HEPH: variants seen among roughly 807,000 people sequenced by gnomAD.
HEPH encodes the protein hephaestin.
Under a neutral mutation model 80.8 loss-of-function variants are expected in HEPH, and 69 were observed. The observed-to-expected ratio is 0.85, with a 90% CI of 0.70 to 1.04. The LOEUF (loss-of-function observed/expected upper bound fraction) is 1.04. Among genes scored for constraint, HEPH ranks in the 50% least tolerant of loss-of-function variants. The pLI is 0.00. For missense variants in HEPH, 1,115 were observed against 891.3 expected (o/e 1.25, Z -3.20); for synonymous variants, 431 against 322.8 (o/e 1.34, Z -3.60).
At chrX:66,260,435 C>T (rs2091324015) in intron 19 of HEPH, among the ~76,000 whole-genome samples, 173 bp downstream of exon 19, 1 of 111,294 alleles carries the variant, frequency 9.0e-6, no homozygotes, top group African/African-American at 3.3e-5. Flanking sequence ...TTCTAATCCT[C>T]CATTGCACCT....
intron 12 of HEPH, among the ~76,000 whole-genome samples, chrX:66,203,010 G>T (rs1032772908): frequency 9.6e-6 from 1 of 104,626 alleles, no homozygotes; most frequent in Non-Finnish European, 1.9e-5. Context: ...ATAAATGAAA[G>T]ATAGGGTTAC....
At chrX:66,167,983 C>T (rs899995094) in intron 1 of HEPH, among the ~76,000 whole-genome samples, 8 of 111,985 alleles carry the variant, frequency 7.1e-5, no homozygotes, top group Non-Finnish European at 1.3e-4. Context: ...TCTACTTGGC[C>T]TCCATCGCCA....
intron 15 of HEPH, among the ~76,000 whole-genome samples, chrX:66,218,943 G>C (rs1364697041): frequency 8.9e-6 from 1 of 112,097 alleles, no homozygotes; most frequent in African/African-American, 3.2e-5. Flanking sequence ...CTGCCTTTTA[G>C]TTTTTACTTC....
intron 6 of HEPH, among the ~76,000 whole-genome samples, chrX:66,191,021 A>G (rs1344034122): frequency 8.9e-6 from 1 of 112,197 alleles, no homozygotes; most frequent in Middle Eastern, 4.6e-3. Flanking sequence ...GTAGTGATGT[A>G]TACCTCATAA....
rs1215586565 is a variant in HEPH at position 66,196,896 on chromosome X, C to CT, written c.1502-776dup. On this transcript the variant is annotated intron_variant, in intron 9 of 20. Coordinates refer to ENST00000343002, the MANE Select transcript of HEPH (RefSeq NM_001367233.3). ...ATAGCTTTGTCTACATTTTGGTGTACTTTTTTTTTTTCAAATTTTGTCTAT... is the reference window on the plus strand; with the variant it reads ...ATAGCTTTGTCTACATTTTGGTGTACTTTTTTTTTTTTCAAATTTTGTCTAT... 1.3e-3 allele frequency among the ~76,000 whole-genome samples: 128 copies of CT among 95,280 alleles called. 1 individual carries two copies. The highest frequency in any genetic ancestry group is 3.3e-3 in the East Asian group (10 of 3,039). The allele number at this position is 95,280 out of a possible 115,157, so 82.7% of individuals were successfully genotyped here.
intron 20 of HEPH, 66 bp downstream of exon 20, chrX:66,263,754 G>C: frequency 9.6e-7 from 1 of 1,041,652 alleles, no homozygotes; most frequent in Non-Finnish European, 1.3e-6. Flanking sequence ...GTTGGGTGAA[G>C]TACCTTTAGG....
chrX:66,241,105 G>A (rs1379767417), intron 15 of HEPH, among the ~76,000 whole-genome samples: 1 of 111,910 alleles, frequency 8.9e-6, no homozygotes, highest in Non-Finnish European at 1.9e-5. Context: ...AGGTCCTTAA[G>A]GAAGTGCTAA....
In HEPH at chrX:66,188,913, G is replaced by T. The variant is rs760761902; in HGVS notation, c.808+372G>T. ...AATCAATATTGATTTGTTTTAAAAA[G>T]GAAGAAGTTAGCAGAATTATCCACT... On this transcript the variant is annotated intron_variant, in intron 5 of 20. Transcript: ENST00000343002. Among the ~76,000 whole-genome samples the T allele has an allele frequency of 8.0e-5, 9 of 112,412 alleles. No homozygotes were observed. In the East Asian group the frequency reaches 2.5e-3, roughly 31 times the overall value.
chrX:66,191,975 C>T (rs971519052), intron 6 of HEPH, among the ~76,000 whole-genome samples, 155 bp from the exon 7 acceptor site: 2 of 111,382 alleles, frequency 1.8e-5, no homozygotes, highest in Admixed American at 1.9e-4. Context: ...CAGCCATGCA[C>T]TTTAAGAGTG....
intron 9 of HEPH, among the ~76,000 whole-genome samples, chrX:66,195,475 G>A (rs2088037501): frequency 9.0e-6 from 1 of 110,953 alleles, no homozygotes; most frequent in Admixed American, 9.6e-5. Flanking sequence ...ACTCTGAAAA[G>A]CAGACAATTA....
chrX:66,242,926 AG>A (rs1205996595), intron 15 of HEPH, among the ~76,000 whole-genome samples: 1 of 112,155 alleles, frequency 8.9e-6, no homozygotes. Context: ...AATGTAAATT[AG>A]TTTAGTCACT....
chrX:66,221,656 T>G (rs1406960468), intron 15 of HEPH, among the ~76,000 whole-genome samples: 1 of 112,779 alleles, frequency 8.9e-6, no homozygotes, highest in Non-Finnish European at 1.9e-5. Context: ...TTTTTCTCTT[T>G]CTGATACATA....
At chrX:66,217,834 G>T (rs1348736257) in intron 15 of HEPH, among the ~76,000 whole-genome samples, 3 of 111,239 alleles carry the variant, frequency 2.7e-5, no homozygotes, top group Non-Finnish European at 3.8e-5. Context: ...AGGTAAAAGG[G>T]GGGAAAAAGA....
chrX:66,182,018 G>A (rs1383580343), intron 4 of HEPH, among the ~76,000 whole-genome samples: 47 of 107,876 alleles, frequency 4.4e-4, no homozygotes, highest in Admixed American at 2.5e-3. Context: ...GTAGATATGC[G>A]GCATTATTTC....
Position 66,216,313 on chromosome X carries a change from G to A in HEPH, c.2563+8067G>A, listed in dbSNP as rs189522458. Among the ~76,000 whole-genome samples, 38 of 111,567 alleles carry A rather than the reference G, an allele frequency of 3.4e-4. No individual in the cohort carries two copies. The Middle Eastern group carries it at 0.018, about 54-fold the overall frequency. ...CAATGCACTTAATAAAAATACAACC[G>A]AGGACTCTTACATAGTCCACTTCAC... On this transcript the variant is annotated intron_variant, in intron 15 of 20. Transcript: ENST00000343002.
intron 15 of HEPH, among the ~76,000 whole-genome samples, chrX:66,236,964 T>C (rs1483436577): frequency 9.0e-6 from 1 of 111,726 alleles, no homozygotes; most frequent in Non-Finnish European, 1.9e-5. Context: ...TCAATGGTAA[T>C]ATCCCCTTTG....
At chrX:66,210,769 A>T (rs957008589) in intron 15 of HEPH, among the ~76,000 whole-genome samples, 11 of 111,157 alleles carry the variant, frequency 9.9e-5, no homozygotes, top group South Asian at 3.9e-4. Context: ...GGATATTTTG[A>T]TTGAATGGGT....
chrX:66,247,342 G>A (rs978192716), intron 15 of HEPH, among the ~76,000 whole-genome samples: 10 of 104,019 alleles, frequency 9.6e-5, no homozygotes, highest in African/African-American at 3.2e-4. Flanking sequence ...CTTATGCTCT[G>A]TTCACTTTTC....
chrX:66,178,476 G>A (rs1469280806), intron 4 of HEPH, among the ~76,000 whole-genome samples: 1 of 112,170 alleles, frequency 8.9e-6, no homozygotes, highest in Non-Finnish European at 1.9e-5. Context: ...GGGATGGCTG[G>A]GTCAAATGGC....
Sources: gnomAD v4.1 joint callset for allele counts (sites outside exome capture counted in the v4.1 genomes callset) on GRCh38, gnomAD v4.1.1 for gene constraint, MANE v1.5 for transcripts, NCBI Gene and HGNC (gene_info 2026-07-23, HGNC 2026-07-21) for gene names.